Variants in IGSF11 observed in about 807,000 individuals in gnomAD.
IGSF11 encodes immunoglobulin superfamily member 11.
A neutral mutation model predicts 41.0 loss-of-function variants in IGSF11; 22 were observed. The ratio of observed to expected loss-of-function variants is 0.54; its 90% CI spans 0.38 to 0.77. The LOEUF is 0.77. Among genes scored for constraint, IGSF11 ranks in the 30% least tolerant of loss-of-function variants. The pLI is 0.00. For synonymous variants in IGSF11, 219 were observed against 201.3 expected, an observed-to-expected ratio of 1.09 and a Z score of -0.74; for missense variants, 444 against 530.8, an observed-to-expected ratio of 0.84 and a Z score of 1.61.
chr3:119,046,836 A>T lies in IGSF11; in HGVS notation c.49+58308T>A, dbSNP rs1007982738. Among the ~76,000 whole-genome samples the T allele has an allele frequency of 4.7e-5, 7 of 149,824 alleles. 1 individual carries two copies. The highest frequency in any genetic ancestry group is 3.9e-4 in the East Asian group (2 of 5,104). On this transcript the variant is annotated intron_variant, in intron 1 of 6. Coordinates refer to the IGSF11 transcript ENST00000354673. ...TACAAGCCAGAAGAGAGTGGGGGCC[A>T]ATATTCAACATTCTTAAAGAAAAGA...
chr3:118,934,172 G>GCTCCATAGT (rs1943072334), intron 1 of IGSF11, among the ~76,000 whole-genome samples: 1 of 152,082 alleles, frequency 6.6e-6, no homozygotes, highest in Admixed American at 6.6e-5. Context: ...ATCTATTCCT[G>GCTCCATAGT]CTCCATAGTC....
At chr3:118,982,807 G>A (rs1181260949) in intron 1 of IGSF11, among the ~76,000 whole-genome samples, 3 of 152,142 alleles carry the variant, frequency 2.0e-5, no homozygotes, top group Admixed American at 2.0e-4. Context: ...ACATAGGCTA[G>A]ATTATGCCTT....
At chr3:119,001,513 C>T (rs1279360725) in intron 1 of IGSF11, among the ~76,000 whole-genome samples, 1 of 143,308 alleles carries the variant, frequency 7.0e-6, no homozygotes, top group Non-Finnish European at 1.5e-5. Context: ...GGTACATGTG[C>T]ACATTGTGCA....
chr3:119,045,556 G>A lies in IGSF11; in HGVS notation c.49+59588C>T, dbSNP rs1941308398. Reference sequence around the variant, plus strand: ...TGAGATCAAACTGCAAGGCGGCAGTGAGGCTGGGGGAGGGGCGCCCACCAT... The same window carrying A: ...TGAGATCAAACTGCAAGGCGGCAGTAAGGCTGGGGGAGGGGCGCCCACCAT... On this transcript the variant is annotated intron_variant, in intron 1 of 6. Transcript: ENST00000354673. 2.0e-5 allele frequency among the ~76,000 whole-genome samples: 3 copies of A among 152,266 alleles called. 1 individual carries two copies. In the South Asian group the frequency reaches 6.2e-4, roughly 32 times the overall value.
chr3:119,075,171 AT>A (rs1430687401), intron 1 of IGSF11, among the ~76,000 whole-genome samples: 4 of 152,198 alleles, frequency 2.6e-5, no homozygotes, highest in African/African-American at 9.6e-5. Context: ...TCACACAAAT[AT>A]AAAAATTCCT....
chr3:118,955,404 G>C (rs1944887574), intron 1 of IGSF11, among the ~76,000 whole-genome samples: 1 of 152,064 alleles, frequency 6.6e-6, no homozygotes, highest in Non-Finnish European at 1.5e-5. Flanking sequence ...ACTCACAGGT[G>C]GGAGCTAAGC....
chr3:119,116,880 C>G (rs949737211), intron 1 of IGSF11, among the ~76,000 whole-genome samples: 5 of 152,218 alleles, frequency 3.3e-5, no homozygotes, highest in African/African-American at 1.2e-4. Flanking sequence ...CTCCTGTAGC[C>G]CCACCCAGAA....
At chr3:118,922,493 T>C (rs35101897) in intron 4 of IGSF11, among the ~76,000 whole-genome samples, 12,998 of 151,996 alleles carry the variant, frequency 0.086, 693 homozygotes, top group Middle Eastern at 0.12. Flanking sequence ...ATGCTAAATA[T>C]AGGCACCATA....
chr3:118,925,372 T>C (rs1190114742), intron 4 of IGSF11, among the ~76,000 whole-genome samples: 1 of 152,238 alleles, frequency 6.6e-6, no homozygotes, highest in African/African-American at 2.4e-5. Flanking sequence ...TTTGTAAATC[T>C]ACCCTGAGAA....
chr3:118,961,252 C>T (rs995940892), intron 1 of IGSF11, among the ~76,000 whole-genome samples: 5 of 152,174 alleles, frequency 3.3e-5, no homozygotes, highest in African/African-American at 7.2e-5. Context: ...AAGAAACTTG[C>T]GGGCACCTGC....
At chr3:119,001,560 C>G (rs1173689220) in intron 1 of IGSF11, among the ~76,000 whole-genome samples, 1 of 141,604 alleles carries the variant, frequency 7.1e-6, no homozygotes, top group Non-Finnish European at 1.5e-5. Flanking sequence ...CATGCTGGTG[C>G]GCTGCACCCA....
At chr3:118,917,015 C>T (rs953404022) in intron 4 of IGSF11, among the ~76,000 whole-genome samples, 3 of 151,990 alleles carry the variant, frequency 2.0e-5, no homozygotes, top group African/African-American at 7.2e-5. Context: ...CTACTGGGTA[C>T]ATAAGGAAAT....
intron 1 of IGSF11, among the ~76,000 whole-genome samples, chr3:118,987,571 T>A (rs1377218670): frequency 6.6e-6 from 1 of 152,102 alleles, no homozygotes; most frequent in Non-Finnish European, 1.5e-5. Context: ...TGCTAAACAA[T>A]GTTTGGAGCT....
chr3:118,923,580 T>C (rs1256309142), intron 4 of IGSF11, among the ~76,000 whole-genome samples: 1 of 152,234 alleles, frequency 6.6e-6, no homozygotes, highest in Admixed American at 6.5e-5. Flanking sequence ...CATCTAGTCA[T>C]CTTAACCCAC....
rs569133768 is a variant in IGSF11 at position 118,997,071 on chromosome 3, T to C, written c.52+37460A>G. Among the ~76,000 whole-genome samples the C allele has an allele frequency of 6.6e-5, 10 of 150,630 alleles. No homozygotes were observed. In the South Asian group the frequency reaches 2.1e-3, roughly 31 times the overall value. ...CTATGGGATGTGCAAGGGGTGACCC[T>C]ATGGCAACTGGTAGTAGGAGCCTGA... On this transcript the variant is annotated intron_variant, in intron 1 of 6. Coordinates refer to ENST00000393775, the MANE Select transcript of IGSF11 (RefSeq NM_001015887.3).
intron 1 of IGSF11, chr3:118,944,756 C>T (rs1413898089): frequency 6.6e-6 from 1 of 152,086 alleles, no homozygotes; most frequent in African/African-American, 2.4e-5. Flanking sequence ...GTACTTGATG[C>T]TATTCATCAA....
At chr3:118,975,789 T>C (rs1356098853) in intron 1 of IGSF11, among the ~76,000 whole-genome samples, 1 of 152,236 alleles carries the variant, frequency 6.6e-6, no homozygotes, top group Non-Finnish European at 1.5e-5. Context: ...ATATTGCATG[T>C]TCTTATTTAT....
chr3:119,011,450 C>G (rs566027411), intron 1 of IGSF11, among the ~76,000 whole-genome samples: 81 of 152,242 alleles, frequency 5.3e-4, no homozygotes, highest in African/African-American at 1.8e-3. Context: ...TTAGTATAAT[C>G]TGTGAGAAGA....
intron 1 of IGSF11, among the ~76,000 whole-genome samples, chr3:119,010,813 A>G (rs189987335): frequency 4.6e-5 from 7 of 152,324 alleles, no homozygotes; most frequent in African/African-American, 1.7e-4. Flanking sequence ...TGAATGATAT[A>G]CCTTCCCAGG....
Sources: allele counts gnomAD v4.1 joint callset (sites outside exome capture counted in the v4.1 genomes callset), GRCh38; gene constraint gnomAD v4.1.1; transcripts MANE v1.5; gene names NCBI Gene and HGNC (gene_info 2026-07-23, HGNC 2026-07-21).